PMPCA: variants seen among roughly 807,000 people sequenced by gnomAD.
The protein encoded by PMPCA is peptidase, mitochondrial processing subunit alpha, also known as mitochondrial-processing peptidase subunit alpha.
PMPCA carries 47 observed loss-of-function variants against 59.3 expected under a neutral mutation model. The ratio of observed to expected loss-of-function variants is 0.79; its 90% CI spans 0.63 to 1.01. The LOEUF is 1.01. Ranked by LOEUF, PMPCA falls within the 50% of genes least tolerant of loss-of-function variation. The probability of loss-of-function intolerance (pLI) is 0.00; values close to 1 mark genes in which losing one functional copy is unlikely to be tolerated. For synonymous variants in PMPCA, 338 were observed against 290.3 expected, an observed-to-expected ratio of 1.16 and a Z score of -1.67; for missense variants, 726 against 704.5, an observed-to-expected ratio of 1.03 and a Z score of -0.34.
At chr9:136,417,980 T>A in intron 7 of PMPCA, 37 bp from the exon 8 acceptor site, 1 of 1,481,740 alleles carries the variant, frequency 6.7e-7, no homozygotes, top group Non-Finnish European at 9.4e-7. Context: ...CTCATTGTTT[T>A]TCACATGGCG....
At chr9:136,412,614 A>C in intron 3 of PMPCA, 45 bp downstream of exon 3, 1 of 1,019,950 alleles carries the variant, frequency 9.8e-7, no homozygotes, top group Non-Finnish European at 1.5e-6. Context: ...CTTTTGAAGG[A>C]TGTTTGAGAT....
At chr9:136,418,159 C>T in intron 8 of PMPCA, 50 bp downstream of exon 8, 1 of 1,332,456 alleles carries the variant, frequency 7.5e-7, no homozygotes, top group Non-Finnish European at 1.1e-6. Flanking sequence ...GTGTGGCCGG[C>T]TCAGCCAGCC....
chr9:136,418,794 C>A (rs747449130), intron 9 of PMPCA, 34 bp from the exon 10 acceptor site: 1 of 1,552,072 alleles, frequency 6.4e-7, no homozygotes, highest in South Asian at 1.1e-5. Context: ...CCTGGCGAGT[C>A]CCCTTCACTC....
intron 7 of PMPCA, among the ~76,000 whole-genome samples, chr9:136,417,619 C>T (rs142003720): frequency 1.1e-4 from 16 of 152,178 alleles, no homozygotes; most frequent in African/African-American, 3.6e-4. Flanking sequence ...ATTACCACCA[C>T]GCCCGGCTAA....
chr9:136,417,247 T>C, intron 7 of PMPCA, 33 bp downstream of exon 7: 1 of 1,531,686 alleles, frequency 6.5e-7, no homozygotes, highest in Non-Finnish European at 8.8e-7. Flanking sequence ...TGGCCTCGGG[T>C]GGGGAACACG....
intron 4 of PMPCA, among the ~76,000 whole-genome samples, chr9:136,413,793 T>C (rs1020421287): frequency 7.2e-5 from 11 of 152,156 alleles, no homozygotes; most frequent in African/African-American, 1.2e-4. Context: ...ATTCTCCCCA[T>C]GTGGAGAGCC....
At position 136,417,175 on chromosome 9, in the gene PMPCA, T is replaced by C. The variant is rs141705732; in HGVS notation, c.858T>C (p.Ile286=). Residue 286 remains isoleucine (I), a synonymous_variant, in exon 7 of 13, where the codon ATT becomes ATC. Coordinates refer to ENST00000371717, the MANE Select transcript of PMPCA (RefSeq NM_015160.3). The part of the protein sequence containing the change: ...PAWGSAEAVD[I]DRSVAQYTGG... ...GGGGGAGCGCAGAGGCCGTGGATAT[T>C]GACAGATCTGTGGCCCAGTACACTG... is the stretch of plus-strand genomic sequence containing the variant. 35 of 1,605,872 alleles carry C rather than the reference T, an allele frequency of 2.2e-5. No individual in the cohort carries two copies. The African/African-American group carries it at 4.4e-4, about 20-fold the overall frequency.
chr9:136,413,472 G>A (rs1447879797), intron 4 of PMPCA, among the ~76,000 whole-genome samples: 1 of 152,162 alleles, frequency 6.6e-6, no homozygotes, highest in Non-Finnish European at 1.5e-5. Context: ...TGAGATGGGT[G>A]AATATAGATC....
In PMPCA at chr9:136,419,411, A is replaced by G. The variant is rs1320082530; in HGVS notation, c.1263+305A>G. The G allele has an allele frequency of 5.0e-5, 25 of 503,560 alleles. No homozygotes were observed. The East Asian group carries it at 7.5e-4, about 15-fold the overall frequency. 31.2% of individuals were successfully genotyped at this position (503,560 alleles called of 1,614,324 possible). A position where few individuals can be genotyped will look rare whatever the true frequency, so the allele number is the denominator to read the frequency against. ...CACTGGGTGAGTCGTGGGACTGACC[A>G]TGTGACTCTCTCAGCTTTGCTGGCG... On this transcript the variant is annotated intron_variant, in intron 11 of 12. Coordinates refer to ENST00000371717, the MANE Select transcript of PMPCA (RefSeq NM_015160.3).
intron 12 of PMPCA, 197 bp from the exon 13 acceptor site, chr9:136,422,898 T>G: frequency 1.4e-6 from 2 of 1,392,026 alleles, no homozygotes; most frequent in Non-Finnish European, 1.9e-6. Flanking sequence ...CCCCATTTAC[T>G]GAGAACTCAA....
chr9:136,413,805 A>G (rs1212826780), intron 4 of PMPCA, among the ~76,000 whole-genome samples: 1 of 152,124 alleles, frequency 6.6e-6, no homozygotes, highest in Non-Finnish European at 1.5e-5. Context: ...TGGAGAGCCA[A>G]AGTCACTGAG....
At chr9:136,417,769 ATG>A (rs966745738) in intron 7 of PMPCA, among the ~76,000 whole-genome samples, 25 of 138,954 alleles carry the variant, frequency 1.8e-4, no homozygotes, top group African/African-American at 4.6e-4. Flanking sequence ...GTATATACAT[ATG>A]TTTTTTTTTT....
In PMPCA at chr9:136,412,792, C is replaced by T. The variant is rs898032054; in HGVS notation, c.355-18C>T. The stretch of plus-strand genomic sequence containing the variant: ...AGCCTGGATTGCTTATTTAGGTTTC[C>T]TTATTTATTTTTACTAGTCTACTGC... On this transcript the variant is annotated intron_variant, in intron 3 of 12. Coordinates refer to ENST00000371717, the MANE Select transcript of PMPCA (RefSeq NM_015160.3). 15 of 1,504,688 alleles carry T rather than the reference C, an allele frequency of 1.0e-5. No individual in the cohort carries two copies. The Admixed American group carries it at 1.9e-4, about 19-fold the overall frequency. The allele number at this position is 1,504,688 out of a possible 1,614,324, so 93.2% of individuals were successfully genotyped here. A position where few individuals can be genotyped will look rare whatever the true frequency, so the allele number is the denominator to read the frequency against.
chr9:136,416,653 A>G (rs982477327), intron 6 of PMPCA: 9 of 594,396 alleles, frequency 1.5e-5, no homozygotes, highest in African/African-American at 1.3e-4. Context: ...AGCTTAGAAC[A>G]TTCTTGATTT....
chr9:136,416,223 TGG>T, intron 5 of PMPCA, 66 bp from the exon 6 acceptor site: 1 of 1,139,644 alleles, frequency 8.8e-7, no homozygotes, highest in South Asian at 1.3e-5. Flanking sequence ...ACACAAGCTG[TGG>T]GTCACTGCTG....
intron 12 of PMPCA, chr9:136,422,575 C>G (rs1354811472): frequency 9.8e-7 from 1 of 1,017,334 alleles, no homozygotes; most frequent in African/African-American, 1.7e-5. Flanking sequence ...GGCACTTGCC[C>G]TGTCCCGTGT....
chr9:136,412,719 G>A (rs1271643342), intron 3 of PMPCA, 91 bp from the exon 4 acceptor site: 3 of 854,522 alleles, frequency 3.5e-6, no homozygotes, highest in African/African-American at 1.7e-5. Flanking sequence ...TTTTGTATGT[G>A]TGTTAAAAGC....
intron 12 of PMPCA, chr9:136,422,265 C>T (rs1370666719): frequency 7.5e-7 from 1 of 1,335,380 alleles, no homozygotes; most frequent in East Asian, 3.5e-5. Context: ...TGTTAAAGAG[C>T]ACTCAAGTTA....
Position 136,417,058 on chromosome 9 carries a change from T to G in PMPCA, c.741T>G (p.Thr247=). 6.2e-7 allele frequency: 1 copy of G among 1,613,834 alleles called. No homozygotes were observed. The change falls in exon 7 of 13, where the codon ACT becomes ACG. Residue 247 remains threonine (T), a synonymous_variant. Transcript: ENST00000371717. ...VLHSYLRNYY[T]PDRMVLAGVG... is the part of the protein sequence containing the mutation. ...ATTCCTACCTGAGGAACTACTACAC[T>G]CCCGACCGCATGGTGCTGGCCGGCG...
Sources: gnomAD v4.1 joint callset for allele counts (sites outside exome capture counted in the v4.1 genomes callset) on GRCh38, gnomAD v4.1.1 for gene constraint, MANE v1.5 for transcripts, NCBI Gene and HGNC (gene_info 2026-07-23, HGNC 2026-07-21) for gene names.